Variants in SLC12A8 observed in about 807,000 individuals in gnomAD.
The protein encoded by SLC12A8 is cation-chloride cotransporter 9.
Under a neutral mutation model 75.6 loss-of-function variants are expected in SLC12A8, and 69 were observed. The observed-to-expected ratio is 0.91, with a 90% CI of 0.75 to 1.11. The LOEUF is 1.11. SLC12A8 is among the 50% of genes most tolerant of loss of function. SLC12A8 has a pLI of 0.00. For synonymous variants in SLC12A8, 365 were observed against 372.8 expected (o/e 0.98, Z 0.24); for missense variants, 877 against 896.7 (o/e 0.98, Z 0.28).
intron 5 of SLC12A8, among the ~76,000 whole-genome samples, chr3:125,153,132 C>G (rs1407485696): frequency 6.6e-6 from 1 of 152,152 alleles, no homozygotes; most frequent in Non-Finnish European, 1.5e-5. Flanking sequence ...AGGACTGTGT[C>G]CATCCATCTG....
At chr3:125,186,410 C>T (rs1294302654) in intron 4 of SLC12A8, among the ~76,000 whole-genome samples, 2 of 152,196 alleles carry the variant, frequency 1.3e-5, no homozygotes, top group African/African-American at 4.8e-5. Flanking sequence ...CACCCTGCTC[C>T]TGCTGCCTAA....
At chr3:125,089,820 A>G (rs186640259) in intron 12 of SLC12A8, among the ~76,000 whole-genome samples, 2 of 51,392 alleles carry the variant, frequency 3.9e-5, no homozygotes, top group East Asian at 2.1e-3. Context: ...TTCTTTTTCT[A>G]GTTTCTTAAG....
chr3:125,093,303 C>A (rs1938631314), intron 10 of SLC12A8, among the ~76,000 whole-genome samples: 1 of 152,168 alleles, frequency 6.6e-6, no homozygotes, highest in Non-Finnish European at 1.5e-5. Flanking sequence ...TAGTAGAAAG[C>A]TCCCTACATA....
chr3:125,166,244 C>T (rs1454620394), intron 5 of SLC12A8, among the ~76,000 whole-genome samples: 1 of 152,112 alleles, frequency 6.6e-6, no homozygotes, highest in African/African-American at 2.4e-5. Context: ...TCCCGAGTCC[C>T]AGAACGTGAA....
chr3:125,182,508 A>ATT (rs767466114), intron 4 of SLC12A8, among the ~76,000 whole-genome samples: 25 of 139,998 alleles, frequency 1.8e-4, no homozygotes, highest in African/African-American at 3.4e-4. Flanking sequence ...ATTTGTCCCC[A>ATT]TTTTTTTTTT....
intron 5 of SLC12A8, among the ~76,000 whole-genome samples, chr3:125,162,376 C>G (rs1026098731): frequency 6.6e-6 from 1 of 152,182 alleles, no homozygotes; most frequent in African/African-American, 2.4e-5. Context: ...AACCCTGGCA[C>G]CTGGGACTCC....
At chr3:125,151,793 G>A (rs1346535304) in intron 5 of SLC12A8, among the ~76,000 whole-genome samples, 1 of 152,206 alleles carries the variant, frequency 6.6e-6, no homozygotes, top group East Asian at 1.9e-4. Context: ...TTGATTTTCT[G>A]AAATTTGGAT....
At chr3:125,093,390 C>T (rs1938634117) in intron 10 of SLC12A8, among the ~76,000 whole-genome samples, 1 of 152,122 alleles carries the variant, frequency 6.6e-6, no homozygotes, top group Non-Finnish European at 1.5e-5. Context: ...CTGCCCAGCC[C>T]TTCCTTCTTC....
At chr3:125,209,476 A>G (rs576475262) in intron 2 of SLC12A8, among the ~76,000 whole-genome samples, 43 of 152,310 alleles carry the variant, frequency 2.8e-4, no homozygotes, top group African/African-American at 9.1e-4. Flanking sequence ...AGTCCACCAT[A>G]TGTTCCACTT....
At chr3:125,103,641 A>G (rs1201226074) in intron 10 of SLC12A8, among the ~76,000 whole-genome samples, 2 of 151,592 alleles carry the variant, frequency 1.3e-5, no homozygotes, top group East Asian at 1.9e-4. Context: ...ATTGAAAAAA[A>G]ATTTTTGTAG....
chr3:125,206,305 T>G (rs1179110061), intron 2 of SLC12A8, among the ~76,000 whole-genome samples: 1 of 152,204 alleles, frequency 6.6e-6, no homozygotes, highest in Non-Finnish European at 1.5e-5. Flanking sequence ...GCCAGTAGCC[T>G]TGCTTCTAAC....
intron 2 of SLC12A8, among the ~76,000 whole-genome samples, chr3:125,191,035 T>C (rs1481566458): frequency 6.6e-6 from 1 of 152,160 alleles, no homozygotes; most frequent in Non-Finnish European, 1.5e-5. Context: ...CAGTTGACAT[T>C]TGGCCAACCT....
In SLC12A8 at chr3:125,198,869, T is replaced by C. The variant is rs1365321009; in HGVS notation, c.52-8348A>G. Among the ~76,000 whole-genome samples the C allele has an allele frequency of 3.3e-5, 5 of 151,286 alleles. No individual in the cohort carries two copies. In the South Asian group the frequency reaches 6.3e-4, roughly 19 times the overall value. On this transcript the variant is annotated intron_variant, in intron 2 of 13. Coordinates refer to ENST00000469902, the MANE Select transcript of SLC12A8 (RefSeq NM_024628.6). Reference sequence around the variant, plus strand: ...CTCGGCTCACTGCAAGCTCCACCTCTCGAGTTCATGCCATTCCCCTGCCTC... The same window carrying C: ...CTCGGCTCACTGCAAGCTCCACCTCCCGAGTTCATGCCATTCCCCTGCCTC...
Position 125,194,648 on chromosome 3 carries a change from C to A in SLC12A8, c.52-4127G>T, listed in dbSNP as rs533165168. ...ATGCATCTGCAATGTCAGATGACAC[C>A]TTTTCTCCTTTCTGGGAGCTGGAGG... On this transcript the variant is annotated intron_variant, in intron 2 of 13. Coordinates refer to ENST00000469902, the MANE Select transcript of SLC12A8 (RefSeq NM_024628.6). 1.1e-4 allele frequency among the ~76,000 whole-genome samples: 17 copies of A among 152,324 alleles called. No individual in the cohort carries two copies. In the South Asian group the frequency reaches 2.5e-3, roughly 22 times the overall value.
At chr3:125,161,334 G>T (rs1934162590) in intron 5 of SLC12A8, among the ~76,000 whole-genome samples, 1 of 152,192 alleles carries the variant, frequency 6.6e-6, no homozygotes, top group African/African-American at 2.4e-5. Flanking sequence ...TTAACAAATA[G>T]AAATCCATAT....
chr3:125,141,928 C>T (rs1297049797), intron 5 of SLC12A8, among the ~76,000 whole-genome samples: 1 of 151,974 alleles, frequency 6.6e-6, no homozygotes, highest in Non-Finnish European at 1.5e-5. Flanking sequence ...AAAGGAGAGG[C>T]CGCTTCTGGG....
chr3:125,099,637 A>G (rs1175670726), intron 10 of SLC12A8, among the ~76,000 whole-genome samples: 1 of 152,226 alleles, frequency 6.6e-6, no homozygotes, highest in East Asian at 1.9e-4. Context: ...ACAGAGAAAT[A>G]TAAACTAAAG....
At chr3:125,208,132 A>G (rs9838559) in intron 2 of SLC12A8, among the ~76,000 whole-genome samples, 78,372 of 152,014 alleles carry the variant, frequency 0.52, 21,191 homozygotes, top group African/African-American at 0.65. Context: ...GCCTCCAGAC[A>G]GAGGCCCCTG....
intron 5 of SLC12A8, among the ~76,000 whole-genome samples, chr3:125,164,922 GT>G (rs1361318757): frequency 6.6e-6 from 1 of 152,246 alleles, no homozygotes; most frequent in East Asian, 1.9e-4. Flanking sequence ...TGCAGACAGG[GT>G]TAAGAACCCC....
Sources: allele counts gnomAD v4.1 joint callset (sites outside exome capture counted in the v4.1 genomes callset), GRCh38; gene constraint gnomAD v4.1.1; transcripts MANE v1.5; gene names NCBI Gene and HGNC (gene_info 2026-07-23, HGNC 2026-07-21).